ZNF44: variants seen among roughly 807,000 people sequenced by gnomAD.
ZNF44 encodes the protein zinc finger protein 44, also known as gonadotropin inducible transcription repressor-2.
ZNF44 carries 9 observed loss-of-function variants against 11.7 expected under a neutral mutation model. The ratio of observed to expected loss-of-function variants is 0.77; its 90% CI spans 0.46 to 1.35. The LOEUF (loss-of-function observed/expected upper bound fraction) is 1.35, where lower values mean the gene tolerates loss of function less well. ZNF44 is among the 40% of genes most tolerant of loss of function. The probability of loss-of-function intolerance (pLI) is 0.00; values close to 1 mark genes in which losing one functional copy is unlikely to be tolerated. For missense variants in ZNF44, 696 were observed against 743.1 expected, an observed-to-expected ratio of 0.94 and a Z score of 0.74; for synonymous variants, 224 against 242.7, an observed-to-expected ratio of 0.92 and a Z score of 0.72.
At chr19:12,254,557 A>C (rs1409426466) in intron 5 of ZNF44, among the ~76,000 whole-genome samples, 1 of 151,974 alleles carries the variant, frequency 6.6e-6, no homozygotes, top group African/African-American at 2.4e-5. Flanking sequence ...ACCTGGTGAA[A>C]CCCTGTCTCT....
At chr19:12,267,043 CT>C (rs560631225), downstream of ZNF44, among the ~76,000 whole-genome samples, 308 of 139,698 alleles carry the variant, frequency 2.2e-3, 2 homozygotes, top group South Asian at 0.021. Context: ...TTTCTTTTTT[CT>C]TTTTTTTTTT....
downstream of ZNF44, among the ~76,000 whole-genome samples, chr19:12,247,095 G>C (rs1190695777): frequency 8.6e-5 from 13 of 151,886 alleles, no homozygotes; most frequent in Non-Finnish European, 1.8e-4. Context: ...ATGTGGCACT[G>C]ATAAATACAT....
rs561043995 is a variant in ZNF44 at position 12,274,573 on chromosome 19, C to CT, written c.191+399dup. On this transcript the variant is annotated intron_variant, in intron 3 of 3. Transcript: ENST00000355684. ...ACAGGCATAAGCCACTGCGCCTGGCCTTTTTTTTTTTTTTAAGACAGGGTC... is the reference window on the plus strand; with the variant it reads ...ACAGGCATAAGCCACTGCGCCTGGCCTTTTTTTTTTTTTTTAAGACAGGGTC... Among the ~76,000 whole-genome samples, 726 of 141,526 alleles carry CT rather than the reference C, an allele frequency of 5.1e-3. 2 individuals are homozygous for CT. Among genetic ancestry groups the CT allele is most frequent in the African/African-American group, 0.016 (616 of 38,782 alleles). 92.8% of individuals were successfully genotyped at this position (141,526 alleles called of 152,430 possible).
downstream of ZNF44, among the ~76,000 whole-genome samples, chr19:12,269,897 C>T (rs141726610): frequency 2.5e-3 from 387 of 152,274 alleles, 1 homozygote; most frequent in African/African-American, 8.3e-3. Flanking sequence ...ATAGATGTTG[C>T]ATATGGCATT....
chr19:12,262,635 C>G (rs1229080259), intron 5 of ZNF44, among the ~76,000 whole-genome samples: 1 of 152,094 alleles, frequency 6.6e-6, no homozygotes, highest in Non-Finnish European at 1.5e-5. Context: ...TATGCACATA[C>G]AAAACTGACT....
At chr19:12,267,985 C>T (rs1340536910), downstream of ZNF44, among the ~76,000 whole-genome samples, 5 of 151,752 alleles carry the variant, frequency 3.3e-5, no homozygotes, top group Admixed American at 1.3e-4. Flanking sequence ...TACAGGCGAG[C>T]GTGACCACAC....
At chr19:12,266,163 G>T (rs1167119048) in intron 5 of ZNF44, 7 of 760,378 alleles carry the variant, frequency 9.2e-6, no homozygotes, top group Admixed American at 6.3e-5. Context: ...TGTGCCATGG[G>T]GACTAGAGCC....
chr19:12,233,221 C>T (rs1916233528), intron 2 of ZNF44, among the ~76,000 whole-genome samples: 1 of 152,114 alleles, frequency 6.6e-6, no homozygotes, highest in Non-Finnish European at 1.5e-5. Context: ...AAAATAACCT[C>T]CCCTCTGCCC....
chr19:12,260,405 A>G, intron 5 of ZNF44: 1 of 1,440,856 alleles, frequency 6.9e-7, no homozygotes, highest in Non-Finnish European at 9.6e-7. Context: ...GCAGCATCAG[A>G]CACATGATCC....
In ZNF44 at chr19:12,258,658, C is replaced by G. The variant is rs554553344; in HGVS notation, c.1913-8290G>C. Among the ~76,000 whole-genome samples the G allele has an allele frequency of 4.6e-5, 7 of 152,160 alleles. No homozygotes were observed. The South Asian group carries it at 1.4e-3, about 32-fold the overall frequency. On this transcript the variant is annotated intron_variant and NMD_transcript_variant, in intron 5 of 7. Coordinates refer to the ZNF44 transcript ENST00000393337. ...CAGCCTAGCCAACATGGCAAAACCTCGTCTCTACGAAAAACACAAGAATTA... is the reference window on the plus strand; with the variant it reads ...CAGCCTAGCCAACATGGCAAAACCTGGTCTCTACGAAAAACACAAGAATTA...
chr19:12,276,812 TA>T lies in ZNF44; in HGVS notation c.4-731del. 2.0e-5 allele frequency among the ~76,000 whole-genome samples: 3 copies of T among 152,244 alleles called. No homozygotes were observed. The South Asian group carries it at 6.2e-4, about 32-fold the overall frequency. On this transcript the variant is annotated intron_variant, in intron 1 of 3. Transcript: ENST00000355684. ...ATCCACTCATGTATGAATGGCTTAATAAATAAACTGGTTATCACAGATGAGG... is the reference window on the plus strand; with the variant it reads ...ATCCACTCATGTATGAATGGCTTAATAATAAACTGGTTATCACAGATGAGG...
At chr19:12,259,836 G>C (rs1339033388) in intron 5 of ZNF44, among the ~76,000 whole-genome samples, 2 of 152,232 alleles carry the variant, frequency 1.3e-5, no homozygotes, top group Non-Finnish European at 2.9e-5. Context: ...TGTTGTGGGA[G>C]AGGCGCATGA....
intron 1 of ZNF44, chr19:12,284,764 CCAT>C (rs1967655600): frequency 2.2e-5 from 20 of 913,136 alleles, no homozygotes; most frequent in Non-Finnish European, 3.5e-5. Context: ...ATCCGCGGGG[CCAT>C]CATCCTGGCC....
chr19:12,276,332 T>C (rs540997826), intron 1 of ZNF44, among the ~76,000 whole-genome samples: 15 of 152,230 alleles, frequency 9.9e-5, no homozygotes, highest in Non-Finnish European at 1.9e-4. Context: ...GTGAATCTTA[T>C]TGCCTGGATT....
chr19:12,272,726 C>CCA lies in ZNF44; in HGVS notation c.1527_1528dup (p.Gly510ValfsTer11). ...GTAACTGAAACGACTGAAGGCTTTG[C>CCA]CACAAATTTGACACTCATAAGATTT... On this transcript the variant is annotated frameshift_variant, in exon 4 of 4. Transcript: ENST00000355684. LOFTEE classifies it low-confidence loss of function (END_TRUNC). 6.2e-7 allele frequency: 1 copy of CCA among 1,613,410 alleles called. No individual in the cohort carries two copies. The highest frequency in any genetic ancestry group is 2.2e-5 in the East Asian group (1 of 44,872).
In ZNF44 at chr19:12,272,455, G is replaced by A; in HGVS notation, c.1800C>T (p.Leu600=). The A allele has an allele frequency of 6.3e-7, 1 of 1,589,890 alleles. No homozygotes were observed. The highest frequency in any genetic ancestry group is 8.5e-7 in the Non-Finnish European group (1 of 1,171,250). ...TCCTTTTATGTCTATTAAAGGAACT[G>A]AGAGAACTGAAGGCTTTCCCACATT... ...CKECGKAFSS[L]SSFNRHKRTH... is the part of the protein sequence containing the mutation. Residue 600 remains leucine (L), a synonymous_variant, in exon 4 of 4, where the codon CTC becomes CTT. Coordinates refer to ENST00000355684, the MANE Select transcript of ZNF44 (RefSeq NM_016264.4).
chr19:12,294,821 G>C lies in ZNF44; in HGVS notation c.-127C>G. 6.3e-6 allele frequency: 7 copies of C among 1,113,548 alleles called. 1 individual carries two copies. The highest frequency in any genetic ancestry group is 8.6e-6 in the Non-Finnish European group (7 of 811,112). 69.0% of individuals were successfully genotyped at this position (1,113,548 alleles called of 1,614,324 possible). A position where few individuals can be genotyped will look rare whatever the true frequency, so the allele number is the denominator to read the frequency against. On this transcript the variant is annotated 5_prime_UTR_variant, in exon 1 of 4. Coordinates refer to ENST00000355684, the MANE Select transcript of ZNF44 (RefSeq NM_016264.4). ...ACAGAATACGGAACAGAGGTCACCA[G>C]GGTGAAGAGGCCACTAGCTCCTGGA...
At chr19:12,293,082 G>T (rs1329415412) in intron 1 of ZNF44, 11 of 779,096 alleles carry the variant, frequency 1.4e-5, no homozygotes, top group Non-Finnish European at 2.1e-5. Context: ...GTTGGCCAGG[G>T]TGGTCTTGAA....
downstream of ZNF44, among the ~76,000 whole-genome samples, chr19:12,270,269 T>TA (rs755130658): frequency 4.1e-4 from 62 of 152,114 alleles, no homozygotes; most frequent in Non-Finnish European, 7.2e-4. Flanking sequence ...CTATGAAACA[T>TA]AGCTTAACCA....
Sources: allele counts gnomAD v4.1 joint callset (sites outside exome capture counted in the v4.1 genomes callset), GRCh38; gene constraint gnomAD v4.1.1; transcripts MANE v1.5; gene names NCBI Gene and HGNC (gene_info 2026-07-23, HGNC 2026-07-21).